EMP2: variants seen among roughly 807,000 people sequenced by gnomAD.
EMP2 encodes the protein epithelial membrane protein 2.
A neutral mutation model predicts 13.7 loss-of-function variants in EMP2; 19 were observed. The observed-to-expected ratio is 1.38, with a 90% confidence interval of 0.97 to 2.03. EMP2 has a LOEUF of 2.03. EMP2 is among the 30% of genes most tolerant of loss of function. The probability of loss-of-function intolerance (pLI) is 0.00; values close to 1 mark genes in which losing one functional copy is unlikely to be tolerated. For synonymous variants in EMP2, 97 were observed against 84.7 expected (o/e 1.15, Z -0.80); for missense variants, 253 against 220.7 (o/e 1.15, Z -0.93).
intron 1 of EMP2, among the ~76,000 whole-genome samples, chr16:10,562,615 T>C (rs949751984): frequency 1.3e-5 from 2 of 152,126 alleles, no homozygotes; most frequent in African/African-American, 4.8e-5. Flanking sequence ...TCCCCATCTA[T>C]AGAATCATGA....
At chr16:10,547,817 G>C (rs1325163397) in intron 1 of EMP2, 140 bp from the exon 2 acceptor site, 1 of 565,886 alleles carries the variant, frequency 1.8e-6, no homozygotes, top group East Asian at 3.0e-5. Context: ...AAGATCACTT[G>C]AGCCCAGGAG....
chr16:10,556,921 C>A (rs183429133), intron 1 of EMP2, among the ~76,000 whole-genome samples: 1 of 152,200 alleles, frequency 6.6e-6, no homozygotes, highest in African/African-American at 2.4e-5. Context: ...GCAGAGAGGG[C>A]ACAAGGCAGT....
intron 3 of EMP2, among the ~76,000 whole-genome samples, chr16:10,540,279 G>T (rs1459437539): frequency 6.6e-6 from 1 of 152,216 alleles, no homozygotes. Flanking sequence ...GCAGAGGCAG[G>T]TGGATCACCT....
At chr16:10,560,867 G>A (rs912430011) in intron 1 of EMP2, among the ~76,000 whole-genome samples, 1 of 152,204 alleles carries the variant, frequency 6.6e-6, no homozygotes, top group Non-Finnish European at 1.5e-5. Flanking sequence ...GATGGACCAG[G>A]ACTCTCCACT....
At chr16:10,575,249 T>A (rs1174070379) in intron 1 of EMP2, among the ~76,000 whole-genome samples, 56 of 67,330 alleles carry the variant, frequency 8.3e-4, no homozygotes, top group East Asian at 3.8e-3. Flanking sequence ...TTTTTTTTTT[T>A]TTTTTTTTTT....
intron 1 of EMP2, among the ~76,000 whole-genome samples, chr16:10,548,805 C>T (rs1031961738): frequency 1.1e-4 from 17 of 152,188 alleles, no homozygotes; most frequent in African/African-American, 4.1e-4. Context: ...CAAAAAAATA[C>T]AACAAGTGGC....
intron 1 of EMP2, among the ~76,000 whole-genome samples, chr16:10,562,655 T>C (rs2050881012): frequency 6.6e-6 from 1 of 152,092 alleles, no homozygotes; most frequent in East Asian, 1.9e-4. Context: ...TTTTAAGCCA[T>C]TACATTCTGG....
At chr16:10,543,333 A>G (rs543095035) in intron 3 of EMP2, among the ~76,000 whole-genome samples, 11 of 152,412 alleles carry the variant, frequency 7.2e-5, no homozygotes, top group Admixed American at 2.0e-4. Context: ...AAGAGAAGGC[A>G]TGAGGTCCAA....
chr16:10,572,085 A>G (rs2050952255), intron 1 of EMP2, among the ~76,000 whole-genome samples: 1 of 152,254 alleles, frequency 6.6e-6, no homozygotes, highest in Non-Finnish European at 1.5e-5. Context: ...AAAAAAGTCA[A>G]TGAGGGAGCA....
rs2050604005 is a variant in EMP2 at position 10,531,686 on chromosome 16, G to T, written c.*1219C>A. On this transcript the variant is annotated 3_prime_UTR_variant, in exon 5 of 5. Coordinates refer to ENST00000359543, the MANE Select transcript of EMP2 (RefSeq NM_001424.6). ...TCCACTAGGCCATGAGCCCTAGGAG[G>T]AGATTGTCTCTAGAGGGTATCCCCT... 1 of 152,630 alleles carries T rather than the reference G, an allele frequency of 6.6e-6. No individual in the cohort carries two copies. 9.5% of individuals were successfully genotyped at this position (152,630 alleles called of 1,614,324 possible).
rs1407421721 is a variant in EMP2 at position 10,560,035 on chromosome 16, A to C, written c.-60-12358T>G. 2.0e-5 allele frequency among the ~76,000 whole-genome samples: 3 copies of C among 152,190 alleles called. No individual in the cohort carries two copies. The East Asian group carries it at 5.8e-4, about 29-fold the overall frequency. ...GAGGTTAGACAACTTCCCCAATGTC[A>C]CACAGCTAGTAAAAGCTGGAGCTGG... On this transcript the variant is annotated intron_variant, in intron 1 of 4. Transcript: ENST00000359543.
intron 3 of EMP2, among the ~76,000 whole-genome samples, chr16:10,540,415 A>C (rs2050685510): frequency 6.6e-6 from 1 of 152,124 alleles, no homozygotes; most frequent in Non-Finnish European, 1.5e-5. Context: ...TTGAGGCAGG[A>C]GGATGGCTTG....
intron 4 of EMP2, among the ~76,000 whole-genome samples, chr16:10,535,318 CG>C (rs2050638562): frequency 6.6e-6 from 1 of 151,938 alleles, no homozygotes; most frequent in Non-Finnish European, 1.5e-5. Flanking sequence ...TATTAAAATA[CG>C]GGGGAATTTT....
Position 10,532,831 on chromosome 16 carries a change from A to C in EMP2, c.*74T>G. ...ACGTTTGCTAGAAAAACCTCAAAAAATAATGATTATATACAAAATGGTTAT... is the reference window on the plus strand; with the variant it reads ...ACGTTTGCTAGAAAAACCTCAAAAACTAATGATTATATACAAAATGGTTAT... On this transcript the variant is annotated 3_prime_UTR_variant, in exon 5 of 5. Transcript: ENST00000359543. The C allele has an allele frequency of 8.4e-7, 1 of 1,183,726 alleles. No individual in the cohort carries two copies. Among genetic ancestry groups the C allele is most frequent in the Non-Finnish European group, 1.1e-6 (1 of 922,616 alleles). The allele number at this position is 1,183,726 out of a possible 1,614,324, so 73.3% of individuals were successfully genotyped here.
chr16:10,567,383 A>G (rs1295918606), intron 1 of EMP2, among the ~76,000 whole-genome samples: 1 of 152,198 alleles, frequency 6.6e-6, no homozygotes, highest in Non-Finnish European at 1.5e-5. Context: ...TGGCAGCCCC[A>G]TGGCCTCCAG....
chr16:10,562,099 C>G (rs1342351519), intron 1 of EMP2, among the ~76,000 whole-genome samples: 2 of 152,110 alleles, frequency 1.3e-5, no homozygotes, highest in African/African-American at 4.8e-5. Context: ...ATTCCAAAAC[C>G]AGACAAAGAC....
At chr16:10,538,553 C>A (rs1323244260) in intron 3 of EMP2, among the ~76,000 whole-genome samples, 1 of 152,114 alleles carries the variant, frequency 6.6e-6, no homozygotes, top group South Asian at 2.1e-4. Flanking sequence ...CTGTAGGTAT[C>A]GGAGGCTGAT....
In EMP2 at chr16:10,580,339, G is replaced by T. The variant is rs2051018686; in HGVS notation, c.-61+210C>A. ...AAGGCGTGGGAAGCTGTCCCGGGATGGCGAAGTGGAATTCTGGGGCCGGAG... is the reference window on the plus strand; with the variant it reads ...AAGGCGTGGGAAGCTGTCCCGGGATTGCGAAGTGGAATTCTGGGGCCGGAG... On this transcript the variant is annotated intron_variant, in intron 1 of 4. Coordinates refer to ENST00000359543, the MANE Select transcript of EMP2 (RefSeq NM_001424.6). This position sits in a 1 kb window ranked among gnomAD's most constrained non-coding sequence, Gnocchi z 4.3. Among the ~76,000 whole-genome samples the T allele has an allele frequency of 6.6e-6, 1 of 152,218 alleles. No homozygotes were observed. Among genetic ancestry groups the T allele is most frequent in the Admixed American group, 6.5e-5 (1 of 15,294 alleles).
chr16:10,576,033 C>G (rs941316983), intron 1 of EMP2, among the ~76,000 whole-genome samples: 1 of 152,016 alleles, frequency 6.6e-6, no homozygotes, highest in Non-Finnish European at 1.5e-5. Context: ...AGATTTTTGC[C>G]AAAAGCAAGG....
Sources: gnomAD v4.1 joint callset for allele counts (sites outside exome capture counted in the v4.1 genomes callset) on GRCh38, gnomAD v4.1.1 for gene constraint, Gnocchi (gnomAD v3.1) non-coding constraint, MANE v1.5 for transcripts, NCBI Gene and HGNC (gene_info 2026-07-23, HGNC 2026-07-21) for gene names.